Variants in OR52N4 observed in about 807,000 individuals in gnomAD.
OR52N4 encodes olfactory receptor family 52 subfamily N member 4.
OR52N4 carries 15 observed loss-of-function variants against 15.0 expected under a neutral mutation model. That is an observed-to-expected ratio of 1.00 (90% CI 0.67 to 1.54). The LOEUF is 1.54. Ranked by LOEUF, OR52N4 falls within the 40% of genes most tolerant of loss-of-function variation. The pLI is 0.00. For synonymous variants in OR52N4, 143 were observed against 143.7 expected, an observed-to-expected ratio of 1.00 and a Z score of 0.03; for missense variants, 421 against 394.0, an observed-to-expected ratio of 1.07 and a Z score of -0.58.
At chr11:5,728,644 T>C in the OR52N4 span, among the ~76,000 whole-genome samples, 9 of 149,796 alleles carry the variant, frequency 6.0e-5, no homozygotes, top group Non-Finnish European at 1.3e-4. Context: ...CAGACACTCC[T>C]GTCCTGGGAA....
At chr11:5,745,550 G>A in the OR52N4 span, among the ~76,000 whole-genome samples, 2 of 152,038 alleles carry the variant, frequency 1.3e-5, no homozygotes, top group Non-Finnish European at 2.9e-5. Flanking sequence ...AATTTTAGAT[G>A]ACGCAAATAT....
the OR52N4 span, chr11:5,737,584 G>T: frequency 2.6e-6 from 3 of 1,154,924 alleles, no homozygotes; most frequent in Non-Finnish European, 3.6e-6. Context: ...ATACCTTTGG[G>T]ATTCCCTTTT....
At chr11:5,736,586 C>T in the OR52N4 span, 28 of 1,613,878 alleles carry the variant, frequency 1.7e-5, no homozygotes, top group African/African-American at 2.7e-5. Context: ...GTTCATCCTG[C>T]TGGGATTCCC....
At chr11:5,743,124 A>AACAGTGAAAT in the OR52N4 span, among the ~76,000 whole-genome samples, 1 of 149,804 alleles carries the variant, frequency 6.7e-6, no homozygotes, top group Non-Finnish European at 1.5e-5. Context: ...TTATATAAAC[A>AACAGTGAAAT]ACAGTGAAAT....
chr11:5,742,573 T>C, the OR52N4 span, among the ~76,000 whole-genome samples: 2 of 152,138 alleles, frequency 1.3e-5, no homozygotes, highest in Non-Finnish European at 1.5e-5. Flanking sequence ...CTATTTTTAG[T>C]CTTCTTTAAC....
At chr11:5,729,837 AC>A in the OR52N4 span, among the ~76,000 whole-genome samples, 18 of 152,310 alleles carry the variant, frequency 1.2e-4, no homozygotes, top group Admixed American at 4.6e-4. Context: ...CCTCATATAA[AC>A]TTTTGATGTG....
the OR52N4 span, among the ~76,000 whole-genome samples, chr11:5,729,589 C>T: frequency 2.6e-5 from 4 of 152,098 alleles, no homozygotes; most frequent in African/African-American, 9.7e-5. Flanking sequence ...CTTTGTAGAA[C>T]GTTTCTAAAG....
chr11:5,742,922 A>T, the OR52N4 span, among the ~76,000 whole-genome samples: 1 of 152,178 alleles, frequency 6.6e-6, no homozygotes, highest in Non-Finnish European at 1.5e-5. Context: ...AATGTACTAA[A>T]TGCTCCACTT....
upstream of OR52N4, among the ~76,000 whole-genome samples, chr11:5,750,068 T>A (rs1854158180): frequency 6.6e-6 from 1 of 151,964 alleles, no homozygotes; most frequent in African/African-American, 2.4e-5. Context: ...TTTTAGTGAC[T>A]AAAGGTATGC....
Position 5,755,327 on chromosome 11 carries a change from T to G in OR52N4, c.587T>G (p.Val196Gly). 6.2e-7 allele frequency: 1 copy of G among 1,614,074 alleles called. No homozygotes were observed. The highest frequency in any genetic ancestry group is 8.5e-7 in the Non-Finnish European group (1 of 1,179,988). The change falls in exon 2 of 2, where the codon GTC becomes GGC. Residue 196 changes from valine to glycine, a missense_variant. Physicochemically the swap from Val to Gly is moderately radical, Grantham distance 109. Coordinates refer to ENST00000641350, the MANE Select transcript of OR52N4 (RefSeq NM_001005175.5). Reference protein sequence around the residue: ...VAKLSCGNVKVNAIYGLMVAL... With the variant: ...VAKLSCGNVKGNAIYGLMVAL... ...AAATTGTCCTGTGGTAATGTCAAGG[T>G]CAATGCCATCTATGGTCTGATGGTT...
rs747528380 is a variant in OR52N4, at chr11:5,754,953, T to C, written c.213T>C (p.Thr71=). 3 of 1,613,868 alleles carry C rather than the reference T, an allele frequency of 1.9e-6. No homozygotes were observed. Among genetic ancestry groups the C allele is most frequent in the Non-Finnish European group, 2.5e-6 (3 of 1,179,836 alleles). Residue 71 remains threonine, a synonymous_variant, in exon 2 of 2, where the codon ACT becomes ACC. Coordinates refer to ENST00000641350, the MANE Select transcript of OR52N4 (RefSeq NM_001005175.5). ...ACTTCTTGGCCATGCTTTCCTTTAC[T>C]GACCTTGTTATGTGCTCTAGTACAA... The part of the protein sequence containing the change: ...MYYFLAMLSF[T]DLVMCSSTIP...
chr11:5,742,404 C>G, the OR52N4 span, among the ~76,000 whole-genome samples: 4 of 152,042 alleles, frequency 2.6e-5, no homozygotes, highest in Non-Finnish European at 2.9e-5. Context: ...AGATGAACAT[C>G]ACCAAGGCAT....
the OR52N4 span, chr11:5,737,614 T>C: frequency 2.3e-6 from 2 of 860,348 alleles, no homozygotes; most frequent in Non-Finnish European, 3.4e-6. Context: ...ATGTAAATAA[T>C]TGTGAAAGCT....
At chr11:5,753,265 T>C (rs183336689), upstream of OR52N4, among the ~76,000 whole-genome samples, 525 of 152,288 alleles carry the variant, frequency 3.4e-3, 2 homozygotes, top group Non-Finnish European at 6.1e-3. Context: ...GTTCTACATC[T>C]TTGCCAATGC....
At chr11:5,739,935 T>A in the OR52N4 span, among the ~76,000 whole-genome samples, 1 of 128,790 alleles carries the variant, frequency 7.8e-6, no homozygotes, top group Non-Finnish European at 1.7e-5. Context: ...TAAGACTTTC[T>A]CAGAGCTGCA....
Position 5,754,974 on chromosome 11 carries a change from T to C in OR52N4, c.234T>C (p.Ser78=). The C allele has an allele frequency of 6.2e-7, 1 of 1,613,884 alleles. No individual in the cohort carries two copies. Residue 78 remains serine (S), a synonymous_variant, in exon 2 of 2, where the codon AGT becomes AGC. Coordinates refer to ENST00000641350, the MANE Select transcript of OR52N4 (RefSeq NM_001005175.5). ...TTACTGACCTTGTTATGTGCTCTAG[T>C]ACAATCCCTAAAGCCCTCTGCATCT... is the stretch of plus-strand genomic sequence containing the variant. The part of the protein sequence containing the change: ...LSFTDLVMCS[S]TIPKALCIFW...
the OR52N4 span, among the ~76,000 whole-genome samples, chr11:5,739,676 T>A: frequency 2.4e-5 from 3 of 125,790 alleles, no homozygotes; most frequent in Admixed American, 2.3e-4. Flanking sequence ...AATTAAAAAA[T>A]TTAAAAATGT....
At position 5,755,427 on chromosome 11, in the gene OR52N4, C is replaced by A; in HGVS notation, c.687C>A (p.Ser229Arg). The change falls in exon 2 of 2, where the codon AGC (serine) becomes AGA (arginine). Residue 229 changes from serine to arginine, a missense_variant. Ser to Arg is a moderately radical substitution (Grantham distance 110, BLOSUM62 -1). Transcript: ENST00000641350. The stretch of plus-strand genomic sequence containing the variant: ...CCATGATTCTCCGGGCAGTGGTCAG[C>A]CTCTCCTCAGCAGATGCTCGGCAGA... ...SYTMILRAVVSLSSADARQKA... is the reference protein window; with the variant it reads ...SYTMILRAVVRLSSADARQKA... The A allele has an allele frequency of 1.2e-6, 2 of 1,614,022 alleles. No homozygotes were observed. The highest frequency in any genetic ancestry group is 1.7e-6 in the Non-Finnish European group (2 of 1,179,948).
the OR52N4 span, among the ~76,000 whole-genome samples, chr11:5,735,842 A>T: frequency 3.3e-5 from 5 of 152,326 alleles, no homozygotes; most frequent in African/African-American, 1.2e-4. Flanking sequence ...TTTTAGTTGT[A>T]CAAGATGAAT....
Sources: gnomAD v4.1 joint callset for allele counts (sites outside exome capture counted in the v4.1 genomes callset) on GRCh38, gnomAD v4.1.1 for gene constraint, MANE v1.5 for transcripts, NCBI Gene and HGNC (gene_info 2026-07-23, HGNC 2026-07-21) for gene names.